TMPRSS11F: variants seen among roughly 807,000 people sequenced by gnomAD.
The protein encoded by TMPRSS11F is transmembrane serine protease 11F, also known as transmembrane protease serine 11F.
A neutral mutation model predicts 60.2 loss-of-function variants in TMPRSS11F; 47 were observed. The observed-to-expected ratio is 0.78, with a 90% CI of 0.62 to 1.00. The LOEUF (loss-of-function observed/expected upper bound fraction) is 1.00, where lower values mean the gene tolerates loss of function less well. Ranked by LOEUF, TMPRSS11F falls within the 50% of genes least tolerant of loss-of-function variation. The probability of loss-of-function intolerance (pLI) is 0.00; values close to 1 mark genes in which losing one functional copy is unlikely to be tolerated. For synonymous variants in TMPRSS11F, 166 were observed against 167.3 expected (o/e 0.99, Z 0.06); for missense variants, 519 against 522.9 (o/e 0.99, Z 0.07).
intron 1 of TMPRSS11F, among the ~76,000 whole-genome samples, chr4:68,112,339 A>G (rs1724423800): frequency 6.6e-6 from 1 of 151,994 alleles, no homozygotes; most frequent in Admixed American, 6.5e-5. Flanking sequence ...ACCCTTCAAG[A>G]TCCAGCTTAA....
At chr4:68,113,390 C>T (rs114616097) in intron 1 of TMPRSS11F, among the ~76,000 whole-genome samples, 131 of 146,154 alleles carry the variant, frequency 9.0e-4, no homozygotes, top group Middle Eastern at 7.2e-3. Context: ...CTTTTCTTGA[C>T]GGCCTACTGT....
intron 8 of TMPRSS11F, chr4:68,061,907 T>A (rs1162511284): frequency 4.7e-6 from 2 of 423,056 alleles, no homozygotes; most frequent in South Asian, 1.7e-5. Flanking sequence ...TAAAAAAAAA[T>A]TAACATATTA....
chr4:68,063,630 C>T (rs577313653), intron 8 of TMPRSS11F, among the ~76,000 whole-genome samples: 114 of 152,236 alleles, frequency 7.5e-4, no homozygotes, highest in East Asian at 1.2e-3. Flanking sequence ...CCGCCCGACT[C>T]GGCCTCTCAA....
intron 2 of TMPRSS11F, among the ~76,000 whole-genome samples, chr4:68,092,679 C>T (rs1023116358): frequency 1.3e-5 from 2 of 151,882 alleles, no homozygotes; most frequent in African/African-American, 2.4e-5. Flanking sequence ...AGCTATTTCT[C>T]AAGGCACATC....
At chr4:68,054,708 T>C (rs1440801700) in intron 9 of TMPRSS11F, among the ~76,000 whole-genome samples, 1 of 152,188 alleles carries the variant, frequency 6.6e-6, no homozygotes, top group East Asian at 1.9e-4. Flanking sequence ...TCTGTGTCAC[T>C]TCCTCACTTA....
intron 8 of TMPRSS11F, chr4:68,063,267 A>T: frequency 1.8e-6 from 1 of 567,266 alleles, no homozygotes; most frequent in Non-Finnish European, 3.5e-6. Flanking sequence ...TTCAATCGCC[A>T]TGATGAGCTC....
chr4:68,118,787 AG>A (rs1724573197), intron 1 of TMPRSS11F, among the ~76,000 whole-genome samples: 1 of 152,222 alleles, frequency 6.6e-6, no homozygotes, highest in Non-Finnish European at 1.5e-5. Flanking sequence ...GTCTACAACA[AG>A]GAAATCTTAT....
intron 1 of TMPRSS11F, among the ~76,000 whole-genome samples, chr4:68,105,233 A>G (rs1267029094): frequency 1.3e-5 from 2 of 151,812 alleles, no homozygotes; most frequent in Non-Finnish European, 2.9e-5. Context: ...TGTGTTTGTT[A>G]TTTAGTTCTT....
intron 8 of TMPRSS11F, among the ~76,000 whole-genome samples, chr4:68,060,530 A>AAG (rs1470582137): frequency 2.0e-5 from 2 of 102,534 alleles, no homozygotes; most frequent in Non-Finnish European, 4.6e-5. Context: ...AAAAAAAAAA[A>AAG]AAAAAAAAAA....
chr4:68,072,391 G>A lies in TMPRSS11F; in HGVS notation c.446C>T (p.Ala149Val), dbSNP rs1185190340. The change falls in exon 5 of 10, where the codon GCT becomes GTT. Residue 149 changes from alanine to valine, a missense_variant. By Grantham distance (64) the Ala-to-Val change is moderately conservative. Coordinates refer to ENST00000356291, the MANE Select transcript of TMPRSS11F (RefSeq NM_207407.2). ...AEQIKKKIEK[A>V]LYQSLKTKQL... ...TTTGGTCTTCAAACTTTGATATAAA[G>A]CCTTTTCAATTTTTTTCTTGATTTG... The A allele has an allele frequency of 2.5e-6, 4 of 1,601,822 alleles. No individual in the cohort carries two copies. Among genetic ancestry groups the A allele is most frequent in the Admixed American group, 3.4e-5 (2 of 59,584 alleles).
chr4:68,107,110 T>C (rs567996327), intron 1 of TMPRSS11F, among the ~76,000 whole-genome samples: 7 of 152,332 alleles, frequency 4.6e-5, no homozygotes, highest in African/African-American at 1.4e-4. Context: ...ATGGTCACAT[T>C]TTCCACCTCA....
At chr4:68,126,898 A>C (rs1292781465) in intron 1 of TMPRSS11F, among the ~76,000 whole-genome samples, 1 of 152,212 alleles carries the variant, frequency 6.6e-6, no homozygotes, top group African/African-American at 2.4e-5. Flanking sequence ...ATGGGGTCTC[A>C]CTAAATGTCA....
Position 68,074,018 on chromosome 4 carries a change from T to A in TMPRSS11F, c.283-9A>T, listed in dbSNP as rs1297586706. The stretch of plus-strand genomic sequence containing the variant: ...CGAAATATCCTAGACATCTGATTTT[T>A]AAAAAATAAGTATTAGTCTTCAGAA... On this transcript the variant is annotated splice_polypyrimidine_tract_variant and intron_variant, in intron 3 of 9. Transcript: ENST00000356291. 2.0e-6 allele frequency: 3 copies of A among 1,517,792 alleles called. No individual in the cohort carries two copies. The highest frequency in any genetic ancestry group is 2.8e-5 in the African/African-American group (2 of 70,850). The allele number at this position is 1,517,792 out of a possible 1,614,324, so 94.0% of individuals were successfully genotyped here. A position where few individuals can be genotyped will look rare whatever the true frequency, so the allele number is the denominator to read the frequency against.
intron 1 of TMPRSS11F, among the ~76,000 whole-genome samples, chr4:68,105,920 T>C (rs904944255): frequency 1.3e-5 from 2 of 152,052 alleles, no homozygotes; most frequent in Non-Finnish European, 2.9e-5. Flanking sequence ...AGAATTAAAA[T>C]CTTGATCTAT....
At chr4:68,111,408 C>A (rs1040262151) in intron 1 of TMPRSS11F, among the ~76,000 whole-genome samples, 1 of 152,078 alleles carries the variant, frequency 6.6e-6, no homozygotes, top group African/African-American at 2.4e-5. Context: ...TTGTAGACAG[C>A]AGCTGATTTT....
At chr4:68,120,449 CG>C (rs1724603293) in intron 1 of TMPRSS11F, among the ~76,000 whole-genome samples, 2 of 144,668 alleles carry the variant, frequency 1.4e-5, no homozygotes, top group South Asian at 4.4e-4. Flanking sequence ...AGTGCAGTGG[CG>C]GGATCTCGGC....
At chr4:68,055,215 A>G (rs1438389) in intron 9 of TMPRSS11F, among the ~76,000 whole-genome samples, 105,096 of 152,094 alleles carry the variant, frequency 0.69, 37,762 homozygotes, top group East Asian at 0.88. Flanking sequence ...GTAGAGCCTC[A>G]TAGGTCTTGT....
At chr4:68,098,564 T>C (rs1724125632) in intron 2 of TMPRSS11F, among the ~76,000 whole-genome samples, 1 of 152,248 alleles carries the variant, frequency 6.6e-6, no homozygotes. Context: ...CTCATTAATA[T>C]ACTGATTCTG....
At chr4:68,062,006 A>G (rs1723189312) in intron 8 of TMPRSS11F, 2 of 453,334 alleles carry the variant, frequency 4.4e-6, no homozygotes. Flanking sequence ...CTAAGTGCAC[A>G]AAAGGAACAT....
Sources: allele counts gnomAD v4.1 joint callset (sites outside exome capture counted in the v4.1 genomes callset), GRCh38; gene constraint gnomAD v4.1.1; transcripts MANE v1.5; gene names NCBI Gene and HGNC (gene_info 2026-07-23, HGNC 2026-07-21).